Variants in TTC38 observed in about 807,000 individuals in gnomAD.
TTC38 encodes the protein tetratricopeptide repeat protein 38.
A neutral mutation model predicts 64.2 loss-of-function variants in TTC38; 64 were observed. The observed-to-expected ratio is 1.00, with a 90% CI of 0.81 to 1.23. The LOEUF (loss-of-function observed/expected upper bound fraction) is 1.23. Among genes scored for constraint, TTC38 ranks in the 50% most tolerant of loss-of-function variants. The pLI is 0.00. For missense variants in TTC38, 573 were observed against 615.5 expected, an observed-to-expected ratio of 0.93 and a Z score of 0.73; for synonymous variants, 254 against 249.3, an observed-to-expected ratio of 1.02 and a Z score of -0.18.
Position 46,292,845 on chromosome 22 carries a change from G to A in TTC38, c.1371G>A (p.Arg457=), listed in dbSNP as rs201854512. The A allele has an allele frequency of 6.9e-5, 111 of 1,613,854 alleles. No individual in the cohort carries two copies. The highest frequency in any genetic ancestry group is 3.3e-4 in the Middle Eastern group (2 of 6,084). Residue 457 remains arginine (R), a synonymous_variant, in exon 14 of 14, where the codon CGG becomes CGA. Coordinates refer to ENST00000381031, the MANE Select transcript of TTC38 (RefSeq NM_017931.4). This position sits in a 1 kb window ranked among gnomAD's most constrained non-coding sequence, Gnocchi z 6.5. ...ALKPNSPLTE[R]LIRKAATVHL... is the part of the protein sequence containing the mutation. ...AGCCCAACTCGCCCCTGACCGAGCG[G>A]CTCATCCGCAAGGCAGCTACCGTCC... is the stretch of plus-strand genomic sequence containing the variant.
Position 46,281,623 on chromosome 22 carries a change from G to A in TTC38, c.640G>A (p.Ala214Thr), listed in dbSNP as rs2147794995. The change falls in exon 7 of 14, where the codon GCA becomes ACA. Residue 214 changes from alanine to threonine, a missense_variant. Ala to Thr is a moderately conservative substitution (Grantham distance 58). Coordinates refer to ENST00000381031, the MANE Select transcript of TTC38 (RefSeq NM_017931.4). The surrounding 1 kb of genome is among the most constrained non-coding windows in gnomAD (Gnocchi z 5.2). ...KEALSINPTD[A>T]WSVHTVAHIH... ...GGCTTTATCTATTAACCCGACAGACGCATGGTCGGTGCACACCGTCGCTCA... is the reference window on the plus strand; with the variant it reads ...GGCTTTATCTATTAACCCGACAGACACATGGTCGGTGCACACCGTCGCTCA... The A allele has an allele frequency of 2.5e-6, 4 of 1,614,112 alleles. No homozygotes were observed. The highest frequency in any genetic ancestry group is 1.3e-5 in the African/African-American group (1 of 75,026).
chr22:46,269,849 A>G (rs1001956893), intron 2 of TTC38, among the ~76,000 whole-genome samples: 2 of 152,110 alleles, frequency 1.3e-5, no homozygotes, highest in Non-Finnish European at 2.9e-5. Context: ...CTGGAGTGCA[A>G]TGGCGCAGTC....
At position 46,281,281 on chromosome 22, in the gene TTC38, T is replaced by C. The variant is rs779520110; in HGVS notation, c.616-318T>C. ...ATGTTTTGCAAGCACCTCAGCTGTA[T>C]GCAGAATGCTGTGGGCTTGGGTCTG... On this transcript the variant is annotated intron_variant, in intron 6 of 13. Transcript: ENST00000381031. The surrounding 1 kb of genome is among the most constrained non-coding windows in gnomAD (Gnocchi z 5.2). 2.6e-5 allele frequency among the ~76,000 whole-genome samples: 4 copies of C among 152,250 alleles called. No individual in the cohort carries two copies. The highest frequency in any genetic ancestry group is 9.6e-5 in the African/African-American group (4 of 41,466).
In TTC38 at chr22:46,281,496, T is replaced by G. The variant is rs2147794797; in HGVS notation, c.616-103T>G. The G allele has an allele frequency of 2.4e-3, 2,167 of 884,668 alleles. No individual in the cohort carries two copies. Among genetic ancestry groups the G allele is most frequent in the East Asian group, 9.5e-3 (220 of 23,248 alleles). The allele number at this position is 884,668 out of a possible 1,614,324, so 54.8% of individuals were successfully genotyped here. On this transcript the variant is annotated intron_variant, in intron 6 of 13. Coordinates refer to ENST00000381031, the MANE Select transcript of TTC38 (RefSeq NM_017931.4). The surrounding 1 kb of genome is among the most constrained non-coding windows in gnomAD (Gnocchi z 5.2). ...CCGCCCCCCCACTTGCTCCACCCCG[T>G]TCAGCCCAGGCCCCTCTTGCCCCTT...
intron 11 of TTC38, 89 bp from the exon 12 acceptor site, chr22:46,289,312 AG>A: frequency 6.7e-7 from 1 of 1,500,498 alleles, no homozygotes. Context: ...GCACTGGACC[AG>A]GGACACCTCG....
chr22:46,270,717 C>T lies in TTC38; in HGVS notation c.112-1618C>T, dbSNP rs1024471311. ...GGGCATGGTGGCATGGGCCTGTAAT[C>T]CCAGCTACTCGGGAGGCTGAGGCAG... On this transcript the variant is annotated intron_variant, in intron 2 of 13. Coordinates refer to ENST00000381031, the MANE Select transcript of TTC38 (RefSeq NM_017931.4). The surrounding 1 kb of genome is among the most constrained non-coding windows in gnomAD (Gnocchi z 4.7). 6.6e-6 allele frequency among the ~76,000 whole-genome samples: 1 copy of T among 152,138 alleles called. No individual in the cohort carries two copies. Among genetic ancestry groups the T allele is most frequent in the South Asian group, 2.1e-4 (1 of 4,830 alleles).
chr22:46,274,157 G>T lies in TTC38; in HGVS notation c.365+88G>T, dbSNP rs182191206. 6.7e-5 allele frequency: 71 copies of T among 1,062,876 alleles called. 2 individuals are homozygous for T. The South Asian group carries it at 8.4e-4, about 13-fold the overall frequency. 65.8% of individuals were successfully genotyped at this position (1,062,876 alleles called of 1,614,324 possible). On this transcript the variant is annotated intron_variant, in intron 4 of 13. Transcript: ENST00000381031. The surrounding 1 kb of genome is among the most constrained non-coding windows in gnomAD (Gnocchi z 4.8). The stretch of plus-strand genomic sequence containing the variant: ...ATCCCTTTCCTGATGCCCTTGGGAC[G>T]GGGGCGGGGTGGGAGAATGCTTCTC...
intron 6 of TTC38, chr22:46,280,374 G>A (rs1313768683): frequency 2.9e-6 from 1 of 349,262 alleles, no homozygotes; most frequent in Non-Finnish European, 5.8e-6. Flanking sequence ...GCTGGGCCTT[G>A]TAGCCTGGGA....
Position 46,292,887 on chromosome 22 carries a change from C to T in TTC38, c.*3C>T. 6.2e-7 allele frequency: 1 copy of T among 1,611,156 alleles called. No homozygotes were observed. Among genetic ancestry groups the T allele is most frequent in the Non-Finnish European group, 8.5e-7 (1 of 1,177,708 alleles). ...CTACCGTCCACCTCATGCAGTGAGC[C>T]AGCCTGGCCGCCTCCACCCTGCAGA... On this transcript the variant is annotated 3_prime_UTR_variant, in exon 14 of 14. Transcript: ENST00000381031. This position sits in a 1 kb window ranked among gnomAD's most constrained non-coding sequence, Gnocchi z 6.5.
chr22:46,277,078 CACACACAT>C (rs2077497403), intron 5 of TTC38, among the ~76,000 whole-genome samples: 2 of 150,874 alleles, frequency 1.3e-5, no homozygotes, highest in African/African-American at 4.9e-5. Context: ...CACACACACA[CACACACAT>C]ACATTTTAAA....
chr22:46,272,132 A>C lies in TTC38; in HGVS notation c.112-203A>C, dbSNP rs1265193051. Among the ~76,000 whole-genome samples the C allele has an allele frequency of 6.6e-6, 1 of 152,100 alleles. No homozygotes were observed. Among genetic ancestry groups the C allele is most frequent in the Non-Finnish European group, 1.5e-5 (1 of 68,016 alleles). ...CTGCCTACCAAGTGGCTGGGACTAC[A>C]GGCATGCACCACCACGCCCCACTAA... On this transcript the variant is annotated intron_variant, in intron 2 of 13. Transcript: ENST00000381031. The surrounding 1 kb of genome is among the most constrained non-coding windows in gnomAD (Gnocchi z 6.4).
chr22:46,278,420 C>G (rs1041776847), intron 5 of TTC38, among the ~76,000 whole-genome samples, 166 bp from the exon 6 acceptor site: 1 of 152,184 alleles, frequency 6.6e-6, no homozygotes, highest in African/African-American at 2.4e-5. Context: ...ACCCTAATCC[C>G]GTATGACCTC....
chr22:46,281,826 G>C lies in TTC38; in HGVS notation c.735+108G>C. The C allele has an allele frequency of 6.7e-7, 1 of 1,482,890 alleles. No individual in the cohort carries two copies. The highest frequency in any genetic ancestry group is 9.3e-7 in the Non-Finnish European group (1 of 1,076,522). The allele number at this position is 1,482,890 out of a possible 1,614,324, so 91.9% of individuals were successfully genotyped here. A position where few individuals can be genotyped will look rare whatever the true frequency, so the allele number is the denominator to read the frequency against. On this transcript the variant is annotated intron_variant, in intron 7 of 13. Transcript: ENST00000381031. The surrounding 1 kb of genome is among the most constrained non-coding windows in gnomAD (Gnocchi z 5.2). ...TACAGGGCATGGCTTAATTCTCGGG[G>C]TTCCCTCTCCTCCTCCACCTGCACC... is the stretch of plus-strand genomic sequence containing the variant.
chr22:46,274,210 A>T lies in TTC38; in HGVS notation c.365+141A>T, dbSNP rs1936960113. 2.7e-6 allele frequency: 2 copies of T among 749,834 alleles called. No individual in the cohort carries two copies. Among genetic ancestry groups the T allele is most frequent in the Non-Finnish European group, 4.3e-6 (2 of 470,542 alleles). 46.4% of individuals were successfully genotyped at this position (749,834 alleles called of 1,614,324 possible). ...CCTGCCTCCTGAGATGCTCTGATGGAAAATCGCATCCTGTCTGCTTCCCTA... is the reference window on the plus strand; with the variant it reads ...CCTGCCTCCTGAGATGCTCTGATGGTAAATCGCATCCTGTCTGCTTCCCTA... On this transcript the variant is annotated intron_variant, in intron 4 of 13. Coordinates refer to ENST00000381031, the MANE Select transcript of TTC38 (RefSeq NM_017931.4). The surrounding 1 kb of genome is among the most constrained non-coding windows in gnomAD (Gnocchi z 4.8).
In TTC38 at chr22:46,273,875, G is replaced by GC; in HGVS notation, c.194-21dup. 6.2e-7 allele frequency: 1 copy of GC among 1,613,474 alleles called. No individual in the cohort carries two copies. The highest frequency in any genetic ancestry group is 8.5e-7 in the Non-Finnish European group (1 of 1,179,694). ...CTGAGCTGGACCATCTGAACCACCA[G>GC]CCGTTCTCTAACCTCCCACCAGTGA... On this transcript the variant is annotated intron_variant, in intron 3 of 13. Transcript: ENST00000381031. The surrounding 1 kb of genome is among the most constrained non-coding windows in gnomAD (Gnocchi z 5.1).
At chr22:46,283,175 T>C (rs1192014326) in intron 7 of TTC38, among the ~76,000 whole-genome samples, 2 of 152,022 alleles carry the variant, frequency 1.3e-5, no homozygotes, top group Admixed American at 1.3e-4. Context: ...TTGGGCTCAG[T>C]TGATCCTTCT....
In TTC38 at chr22:46,282,924, GGTTTTT is replaced by G. The variant is rs969110529; in HGVS notation, c.736-1036_736-1031del. 2.8e-4 allele frequency among the ~76,000 whole-genome samples: 43 copies of G among 152,222 alleles called. No individual in the cohort carries two copies. The highest frequency in any genetic ancestry group is 9.2e-4 in the African/African-American group (38 of 41,526). On this transcript the variant is annotated intron_variant, in intron 7 of 13. Coordinates refer to ENST00000381031, the MANE Select transcript of TTC38 (RefSeq NM_017931.4). This position sits in a 1 kb window ranked among gnomAD's most constrained non-coding sequence, Gnocchi z 4.4. The stretch of plus-strand genomic sequence containing the variant: ...GGCCCTGGGCCTGTTGATCTCTGCA[GGTTTTT>G]GTTTTTGTTTTTTTTTGAGACAAGT...
chr22:46,278,620 GA>G lies in TTC38; in HGVS notation c.577del (p.Thr193ProfsTer34). 6.2e-7 allele frequency: 1 copy of G among 1,614,138 alleles called. No homozygotes were observed. Among genetic ancestry groups the G allele is most frequent in the African/African-American group, 1.3e-5 (1 of 75,026 alleles). On this transcript the variant is annotated frameshift_variant, in exon 6 of 14. Transcript: ENST00000381031. LOFTEE classifies it high-confidence loss of function. Reference protein sequence around the residue: ...VKGIYSFGLMETNFYDQAEKL... With the variant: ...VKGIYSFGLMXTNFYDQAEKL... ...AGGCATCTACTCTTTTGGCTTGATGGAAACCAACTTCTACGACCAGGCAGAA... is the reference window on the plus strand; with the variant it reads ...AGGCATCTACTCTTTTGGCTTGATGGAACCAACTTCTACGACCAGGCAGAA...
chr22:46,275,126 C>T lies in TTC38; in HGVS notation c.366-122C>T. On this transcript the variant is annotated intron_variant, in intron 4 of 13. Transcript: ENST00000381031. This position sits in a 1 kb window ranked among gnomAD's most constrained non-coding sequence, Gnocchi z 4.5. ...ATAAGCCACCGCACCCAGTCAGAAA[C>T]TGATTTTTAAAAAAACACATCCATG... 15 of 981,928 alleles carry T rather than the reference C, an allele frequency of 1.5e-5. No individual in the cohort carries two copies. Among genetic ancestry groups the T allele is most frequent in the Non-Finnish European group, 2.1e-5 (14 of 670,088 alleles). The allele number at this position is 981,928 out of a possible 1,614,324, so 60.8% of individuals were successfully genotyped here. A position where few individuals can be genotyped will look rare whatever the true frequency, so the allele number is the denominator to read the frequency against.
Sources: allele counts gnomAD v4.1 joint callset (sites outside exome capture counted in the v4.1 genomes callset), GRCh38; gene constraint gnomAD v4.1.1; non-coding constraint Gnocchi (gnomAD v3.1); transcripts MANE v1.5; gene names NCBI Gene and HGNC (gene_info 2026-07-23, HGNC 2026-07-21).